Variants in FGFR1 observed in about 807,000 individuals in gnomAD.
The protein encoded by FGFR1 is fibroblast growth factor receptor 1.
In FGFR1, 18 loss-of-function variants were observed where a neutral mutation model predicts 93.7. The ratio of observed to expected loss-of-function variants is 0.19; its 90% confidence interval spans 0.13 to 0.28. FGFR1 has a LOEUF of 0.28. Among genes scored for constraint, FGFR1 ranks in the 10% least tolerant of loss-of-function variants. The pLI, the probability that FGFR1 is intolerant of heterozygous loss-of-function variation, is 1.00. For synonymous variants in FGFR1, 448 were observed against 429.3 expected (o/e 1.04, Z -0.54); for missense variants, 731 against 1,080.4 (o/e 0.68, Z 4.53).
chr8:38,412,950 G>C lies in FGFR1; in HGVS notation c.*678C>G. On this transcript the variant is annotated 3_prime_UTR_variant, in exon 18 of 18. Coordinates refer to ENST00000447712, the MANE Select transcript of FGFR1 (RefSeq NM_023110.3). The stretch of plus-strand genomic sequence containing the variant: ...TCTCTGGTAACGACCCTTTTAAAAA[G>C]ACATGTAAATATATACTCAGATTTA... 2 of 233,402 alleles carry C rather than the reference G, an allele frequency of 8.6e-6. No individual in the cohort carries two copies. Among genetic ancestry groups the C allele is most frequent in the Non-Finnish European group, 1.7e-5 (2 of 117,938 alleles). 14.5% of individuals were successfully genotyped at this position (233,402 alleles called of 1,614,324 possible).
chr8:38,425,995 G>C (rs1820630173), intron 6 of FGFR1, 127 bp downstream of exon 6: 1 of 1,303,784 alleles, frequency 7.7e-7, no homozygotes, highest in African/African-American at 1.4e-5. Flanking sequence ...TGCTCAAGGT[G>C]ACAAAGCCAA....
intron 2 of FGFR1, among the ~76,000 whole-genome samples, chr8:38,442,409 G>A (rs1301322383): frequency 6.9e-6 from 1 of 145,584 alleles, no homozygotes; most frequent in African/African-American, 2.5e-5. Context: ...GGGTCCCACT[G>A]CTGGAGGGGA....
intron 1 of FGFR1, among the ~76,000 whole-genome samples, chr8:38,466,358 G>A (rs939450149): frequency 3.9e-5 from 6 of 152,360 alleles, no homozygotes; most frequent in East Asian, 1.9e-4. Context: ...GGGAGAGAAA[G>A]CAACGCTTTG....
chr8:38,438,891 C>T (rs1051429805), intron 2 of FGFR1, among the ~76,000 whole-genome samples: 1 of 152,098 alleles, frequency 6.6e-6, no homozygotes, highest in Non-Finnish European at 1.5e-5. Context: ...CCCTCATTTC[C>T]TCAAGCCCAT....
intron 7 of FGFR1, chr8:38,422,968 G>A (rs1819361507): frequency 6.5e-6 from 5 of 768,954 alleles, no homozygotes; most frequent in Admixed American, 1.7e-5. Flanking sequence ...GCCTGCCCCA[G>A]CAGCTTGGGG....
intron 7 of FGFR1, chr8:38,423,088 A>G (rs767232246): frequency 1.3e-6 from 1 of 779,642 alleles, no homozygotes; most frequent in East Asian, 2.4e-5. Context: ...ATATAATTGG[A>G]AACCTTACAC....
At position 38,468,605 on chromosome 8, in the gene FGFR1, T is replaced by A; in HGVS notation, c.-713A>T. 1 of 230,006 alleles carries A rather than the reference T, an allele frequency of 4.3e-6. No homozygotes were observed. Among genetic ancestry groups the A allele is most frequent in the East Asian group, 6.1e-5 (1 of 16,430 alleles). 14.2% of individuals were successfully genotyped at this position (230,006 alleles called of 1,614,324 possible). A position where few individuals can be genotyped will look rare whatever the true frequency, so the allele number is the denominator to read the frequency against. ...CGCCCGCCGCCGAGGACGCCGCGCCTGTGGCCGCAAGAGCGCTCCGAGCGC... is the reference window on the plus strand; with the variant it reads ...CGCCCGCCGCCGAGGACGCCGCGCCAGTGGCCGCAAGAGCGCTCCGAGCGC... On this transcript the variant is annotated 5_prime_UTR_variant, in exon 1 of 18. Transcript: ENST00000447712.
chr8:38,416,267 C>T (rs1181946503), intron 12 of FGFR1, among the ~76,000 whole-genome samples: 2 of 152,078 alleles, frequency 1.3e-5, no homozygotes, highest in Non-Finnish European at 2.9e-5. Flanking sequence ...TCCCGAGCAA[C>T]ATTGGGGTAA....
At chr8:38,447,151 A>ACACC (rs1283999521) in intron 2 of FGFR1, among the ~76,000 whole-genome samples, 36 of 128,222 alleles carry the variant, frequency 2.8e-4, no homozygotes, top group African/African-American at 8.8e-4. Context: ...ACACACACAC[A>ACACC]CCCCTGACAA....
In FGFR1 at chr8:38,413,168, A is replaced by T. The variant is rs948848905; in HGVS notation, c.*460T>A. ...CTATCTGGGGCAGAGGTCACCTTCA[A>T]TCGAGGCACGAAGCACTGACCTCCC... On this transcript the variant is annotated 3_prime_UTR_variant, in exon 18 of 18. Transcript: ENST00000447712. This position sits in a 1 kb window ranked among gnomAD's most constrained non-coding sequence, Gnocchi z 4.2. 8.1e-6 allele frequency: 2 copies of T among 246,258 alleles called. No individual in the cohort carries two copies. Among genetic ancestry groups the T allele is most frequent in the Non-Finnish European group, 1.6e-5 (2 of 126,100 alleles). 15.3% of individuals were successfully genotyped at this position (246,258 alleles called of 1,614,324 possible).
intron 1 of FGFR1, chr8:38,466,255 G>A (rs551503674): frequency 8.2e-5 from 19 of 232,418 alleles, no homozygotes; most frequent in Non-Finnish European, 1.3e-4. Flanking sequence ...GGCTTGCTCC[G>A]GGAGGGGCGC....
Position 38,426,463 on chromosome 8 carries a change from C to T in FGFR1, c.622-218G>A, listed in dbSNP as rs1820796532. Among the ~76,000 whole-genome samples, 1 of 152,184 alleles carries T rather than the reference C, an allele frequency of 6.6e-6. No individual in the cohort carries two copies. The highest frequency in any genetic ancestry group is 1.5e-5 in the Non-Finnish European group (1 of 68,034). ...TGGGGTGTAAAGACTCCAGAAGTCT[C>T]CACTGTGACGTTCAAGATCATTCGT... On this transcript the variant is annotated intron_variant, in intron 5 of 17. Coordinates refer to ENST00000447712, the MANE Select transcript of FGFR1 (RefSeq NM_023110.3). The surrounding 1 kb of genome is among the most constrained non-coding windows in gnomAD (Gnocchi z 4.1).
At position 38,429,585 on chromosome 8, in the gene FGFR1, C is replaced by G; in HGVS notation, c.358+97G>C. 1 of 1,321,876 alleles carries G rather than the reference C, an allele frequency of 7.6e-7. No individual in the cohort carries two copies. The highest frequency in any genetic ancestry group is 1.0e-6 in the Non-Finnish European group (1 of 952,708). 81.9% of individuals were successfully genotyped at this position (1,321,876 alleles called of 1,614,324 possible). A position where few individuals can be genotyped will look rare whatever the true frequency, so the allele number is the denominator to read the frequency against. ...TTTCTGAAGCAGAGTGGGGGCAGATCACGGAGGGGGAGGAGGTTCACCTTC... is the reference window on the plus strand; with the variant it reads ...TTTCTGAAGCAGAGTGGGGGCAGATGACGGAGGGGGAGGAGGTTCACCTTC... On this transcript the variant is annotated intron_variant, in intron 3 of 17. Coordinates refer to ENST00000447712, the MANE Select transcript of FGFR1 (RefSeq NM_023110.3). The surrounding 1 kb of genome is among the most constrained non-coding windows in gnomAD (Gnocchi z 4.4).
intron 16 of FGFR1, 25 bp downstream of exon 16, chr8:38,414,127 G>A (rs1370689424): frequency 5.0e-6 from 8 of 1,614,060 alleles, no homozygotes; most frequent in Non-Finnish European, 6.8e-6. Context: ...CTGGCTCAGG[G>A]CCTCCGACAT....
In FGFR1 at chr8:38,424,863, C is replaced by A. The variant is rs1224983055; in HGVS notation, c.746-164G>T. Among the ~76,000 whole-genome samples, 7 of 152,224 alleles carry A rather than the reference C, an allele frequency of 4.6e-5. No individual in the cohort carries two copies. Among genetic ancestry groups the A allele is most frequent in the African/African-American group, 1.7e-4 (7 of 41,446 alleles). ...CAAAACAGAGCTGGGGAAAGGGACA[C>A]CCTCTCTTCAGGCCCTAAGCCATCA... On this transcript the variant is annotated intron_variant, in intron 6 of 17. Coordinates refer to ENST00000447712, the MANE Select transcript of FGFR1 (RefSeq NM_023110.3). The surrounding 1 kb of genome is among the most constrained non-coding windows in gnomAD (Gnocchi z 4.3).
chr8:38,419,843 G>T, intron 8 of FGFR1, 108 bp from the exon 9 acceptor site: 1 of 927,142 alleles, frequency 1.1e-6, no homozygotes, highest in Non-Finnish European at 1.7e-6. Flanking sequence ...GGAACTTTTA[G>T]GGAGAAGAAC....
At position 38,450,444 on chromosome 8, in the gene FGFR1, C is replaced by T. The variant is rs540868248; in HGVS notation, c.91+6912G>A. ...TGTGAAAATAGGGCCAGCTGCTGGT[C>T]GGGCTCTCTGACCCCAGACCTCGCC... On this transcript the variant is annotated intron_variant, in intron 2 of 17. Coordinates refer to ENST00000447712, the MANE Select transcript of FGFR1 (RefSeq NM_023110.3). Among the ~76,000 whole-genome samples, 12 of 152,296 alleles carry T rather than the reference C, an allele frequency of 7.9e-5. No individual in the cohort carries two copies. In the South Asian group the frequency reaches 2.1e-3, roughly 26 times the overall value.
intron 7 of FGFR1, chr8:38,422,790 T>G (rs1819300900): frequency 1.9e-6 from 1 of 520,744 alleles, no homozygotes. Context: ...CCGTGAGTCC[T>G]CACATGGATC....
chr8:38,440,076 G>A (rs1036367581), intron 2 of FGFR1, among the ~76,000 whole-genome samples: 4 of 152,064 alleles, frequency 2.6e-5, no homozygotes, highest in Non-Finnish European at 4.4e-5. Context: ...AGGAGAGAAA[G>A]GCTAAACTCC....
Sources: allele counts gnomAD v4.1 joint callset (sites outside exome capture counted in the v4.1 genomes callset), GRCh38; gene constraint gnomAD v4.1.1; non-coding constraint Gnocchi (gnomAD v3.1); transcripts MANE v1.5; gene names NCBI Gene and HGNC (gene_info 2026-07-23, HGNC 2026-07-21).